Variants in MYO1E observed in about 807,000 individuals in gnomAD.
The protein encoded by MYO1E is myosin IE.
MYO1E carries 68 observed loss-of-function variants against 151.1 expected under a neutral mutation model. The ratio of observed to expected loss-of-function variants is 0.45; its 90% CI spans 0.37 to 0.55. The LOEUF is 0.55. MYO1E is among the 20% of genes least tolerant of loss of function. MYO1E has a pLI of 0.00. For synonymous variants in MYO1E, 601 were observed against 501.7 expected, an observed-to-expected ratio of 1.20 and a Z score of -2.64; for missense variants, 1,363 against 1,389.3, an observed-to-expected ratio of 0.98 and a Z score of 0.30.
intron 1 of MYO1E, among the ~76,000 whole-genome samples, chr15:59,361,379 T>C (rs2080884565): frequency 1.3e-5 from 2 of 152,256 alleles, no homozygotes; most frequent in African/African-American, 4.8e-5. Flanking sequence ...GTATTGAACA[T>C]TGGGAGACAT....
intron 1 of MYO1E, among the ~76,000 whole-genome samples, chr15:59,326,992 C>G (rs1265909314): frequency 2.0e-5 from 3 of 152,168 alleles, no homozygotes; most frequent in African/African-American, 4.8e-5. Context: ...TCCTGAGCAC[C>G]AGGCTTCAGG....
At chr15:59,284,333 A>G (rs2080374630) in intron 1 of MYO1E, among the ~76,000 whole-genome samples, 1 of 152,258 alleles carries the variant, frequency 6.6e-6, no homozygotes, top group Non-Finnish European at 1.5e-5. Flanking sequence ...TTTGCCCCCA[A>G]CTCAGGAGAT....
At chr15:59,187,715 G>C (rs1425031968) in intron 18 of MYO1E, among the ~76,000 whole-genome samples, 1 of 152,098 alleles carries the variant, frequency 6.6e-6, no homozygotes, top group African/African-American at 2.4e-5. Flanking sequence ...AGTAAACTGT[G>C]GTATATCCAC....
intron 9 of MYO1E, among the ~76,000 whole-genome samples, chr15:59,219,681 C>A (rs1452598416): frequency 6.6e-6 from 1 of 152,206 alleles, no homozygotes; most frequent in East Asian, 1.9e-4. Context: ...ATGCACTGAT[C>A]TGAAAATGGC....
intron 1 of MYO1E, among the ~76,000 whole-genome samples, chr15:59,283,823 A>C (rs1396099568): frequency 6.6e-6 from 1 of 152,182 alleles, no homozygotes; most frequent in African/African-American, 2.4e-5. Flanking sequence ...TCTCATAATA[A>C]AGTAACAGCA....
intron 1 of MYO1E, among the ~76,000 whole-genome samples, chr15:59,368,060 A>T (rs1220168571): frequency 6.6e-6 from 1 of 152,192 alleles, no homozygotes; most frequent in East Asian, 1.9e-4. Context: ...CAGAGGTTAT[A>T]GTGAACCGAG....
chr15:59,194,978 T>A (rs1179006643), intron 17 of MYO1E, among the ~76,000 whole-genome samples: 1 of 151,896 alleles, frequency 6.6e-6, no homozygotes, highest in East Asian at 1.9e-4. Flanking sequence ...TTAGGGGGAA[T>A]GCCAGAGCCT....
rs574879270 is a variant in MYO1E at position 59,313,457 on chromosome 15, G to GAC, written c.4-41010_4-41009dup. ...AAGTGACTTAATTGTGGTTATCTAG[G>GAC]ACCCTGAAATAATAATGGGAGTACA... On this transcript the variant is annotated intron_variant, in intron 1 of 27. Coordinates refer to ENST00000288235, the MANE Select transcript of MYO1E (RefSeq NM_004998.4). Among the ~76,000 whole-genome samples, 193 of 152,202 alleles carry GAC rather than the reference G, an allele frequency of 1.3e-3. 1 individual carries two copies. Among genetic ancestry groups the GAC allele is most frequent in the African/African-American group, 4.5e-3 (185 of 41,508 alleles).
intron 1 of MYO1E, among the ~76,000 whole-genome samples, chr15:59,277,718 T>G (rs1271445797): frequency 6.6e-6 from 1 of 152,190 alleles, no homozygotes; most frequent in Non-Finnish European, 1.5e-5. Flanking sequence ...AGGGACTGAT[T>G]AGAATACAGA....
intron 10 of MYO1E, 110 bp from the exon 11 acceptor site, chr15:59,214,830 A>C: frequency 2.4e-6 from 2 of 834,702 alleles, no homozygotes; most frequent in Non-Finnish European, 4.2e-6. Context: ...TACTGCTTGC[A>C]GGAAACAGAG....
chr15:59,208,366 G>T (rs1304826430), intron 14 of MYO1E: 8 of 556,496 alleles, frequency 1.4e-5, no homozygotes, highest in Non-Finnish European at 2.6e-5. Flanking sequence ...TAGGATGTAG[G>T]TATTTATTGT....
intron 2 of MYO1E, among the ~76,000 whole-genome samples, chr15:59,269,088 G>A (rs1197212209): frequency 1.3e-5 from 2 of 151,886 alleles, no homozygotes; most frequent in Non-Finnish European, 2.9e-5. Context: ...CATTTATAAC[G>A]GTTTCTGTGG....
At chr15:59,352,308 A>G (rs2080827812) in intron 1 of MYO1E, among the ~76,000 whole-genome samples, 1 of 152,190 alleles carries the variant, frequency 6.6e-6, no homozygotes, top group African/African-American at 2.4e-5. Flanking sequence ...GGAAGATGAT[A>G]TCCTGGAGGG....
chr15:59,238,970 C>T (rs180707576), intron 4 of MYO1E, among the ~76,000 whole-genome samples: 209 of 151,418 alleles, frequency 1.4e-3, no homozygotes, highest in African/African-American at 4.8e-3. Context: ...CTTTGGGAGG[C>T]CAAGGTGGAC....
Position 59,194,175 on chromosome 15 carries a change from C to CAA in MYO1E, c.1805+1284_1805+1285dup, listed in dbSNP as rs35566951. ...GGTGACAGAGCGAGACTCTTGTCTCCAAAAAAAAAAAAAATCCTTAAGAAT... is the reference window on the plus strand; with the variant it reads ...GGTGACAGAGCGAGACTCTTGTCTCCAAAAAAAAAAAAAAAATCCTTAAGAAT... On this transcript the variant is annotated intron_variant, in intron 17 of 27. Transcript: ENST00000288235. Among the ~76,000 whole-genome samples the CAA allele has an allele frequency of 4.1e-3, 502 of 121,294 alleles. 3 individuals carry two copies. Among genetic ancestry groups the CAA allele is most frequent in the African/African-American group, 0.014 (480 of 33,724 alleles). The allele number at this position is 121,294 out of a possible 152,430, so 79.6% of individuals were successfully genotyped here.
intron 22 of MYO1E, among the ~76,000 whole-genome samples, chr15:59,163,793 G>A (rs1210990865): frequency 6.6e-6 from 1 of 152,176 alleles, no homozygotes; most frequent in African/African-American, 2.4e-5. Context: ...CAATATCCTG[G>A]ACTTCAAGGT....
intron 9 of MYO1E, 95 bp downstream of exon 9, chr15:59,222,964 T>C: frequency 6.4e-7 from 1 of 1,558,218 alleles, no homozygotes; most frequent in Non-Finnish European, 8.8e-7. Flanking sequence ...CTTCCCAATA[T>C]TCCCATTTGA....
chr15:59,258,015 C>G (rs574689516), intron 3 of MYO1E, among the ~76,000 whole-genome samples: 1 of 152,264 alleles, frequency 6.6e-6, no homozygotes, highest in South Asian at 2.1e-4. Flanking sequence ...TGCCATATGC[C>G]ATAAGATTTT....
chr15:59,236,841 C>A (rs1308010760), intron 4 of MYO1E, among the ~76,000 whole-genome samples, 169 bp from the exon 5 acceptor site: 7 of 152,072 alleles, frequency 4.6e-5, no homozygotes, highest in African/African-American at 1.7e-4. Flanking sequence ...CAAGTTACAG[C>A]AGGATTAGGT....
Sources: allele counts gnomAD v4.1 joint callset (sites outside exome capture counted in the v4.1 genomes callset), GRCh38; gene constraint gnomAD v4.1.1; transcripts MANE v1.5; gene names NCBI Gene and HGNC (gene_info 2026-07-23, HGNC 2026-07-21).